The following SUGCT variants were observed in gnomAD, a reference collection of about 807,000 sequenced individuals.
SUGCT encodes succinyl-CoA:glutarate CoA-transferase.
Under a neutral mutation model 55.0 loss-of-function variants are expected in SUGCT, and 41 were observed. The ratio of observed to expected loss-of-function variants is 0.74; its 90% confidence interval spans 0.58 to 0.97. The LOEUF (loss-of-function observed/expected upper bound fraction) is 0.97. Ranked by LOEUF, SUGCT falls within the 50% of genes least tolerant of loss-of-function variation. SUGCT has a pLI of 0.00. For missense variants in SUGCT, 568 were observed against 547.8 expected, an observed-to-expected ratio of 1.04 and a Z score of -0.37; for synonymous variants, 187 against 200.4, an observed-to-expected ratio of 0.93 and a Z score of 0.56.
chr7:40,663,536 G>T (rs1206869552), intron 12 of SUGCT, among the ~76,000 whole-genome samples: 1 of 147,268 alleles, frequency 6.8e-6, no homozygotes, highest in Non-Finnish European at 1.5e-5. Context: ...ATTACTTAAA[G>T]GTTTATTTCT....
At chr7:41,001,182 G>T in the SUGCT span, among the ~76,000 whole-genome samples, 2 of 152,146 alleles carry the variant, frequency 1.3e-5, no homozygotes, top group African/African-American at 4.8e-5. Flanking sequence ...GATGCTGATA[G>T]AGGAGAAGAG....
At chr7:40,623,593 A>T (rs1799376188) in intron 12 of SUGCT, among the ~76,000 whole-genome samples, 2 of 152,148 alleles carry the variant, frequency 1.3e-5, no homozygotes, top group Admixed American at 6.5e-5. Flanking sequence ...AATTCCAAGA[A>T]TTTTTTTGTA....
intron 12 of SUGCT, among the ~76,000 whole-genome samples, chr7:40,583,982 A>G (rs1797239535): frequency 1.3e-5 from 2 of 152,166 alleles, no homozygotes; most frequent in South Asian, 4.1e-4. Context: ...ATCTCTCTAT[A>G]TAAGTTGGTG....
intron 12 of SUGCT, among the ~76,000 whole-genome samples, chr7:40,666,347 C>CAAAA (rs202090281): frequency 0.21 from 23,374 of 113,504 alleles, 2,085 homozygotes; most frequent in Middle Eastern, 0.3. Context: ...GACTCTGTCT[C>CAAAA]AAGAAAGAAA....
chr7:40,455,261 T>C (rs889736176), intron 10 of SUGCT, among the ~76,000 whole-genome samples: 10 of 152,058 alleles, frequency 6.6e-5, no homozygotes, highest in African/African-American at 2.4e-4. Context: ...AATAGGTAAG[T>C]GTAATAGTAA....
intron 12 of SUGCT, among the ~76,000 whole-genome samples, chr7:40,668,987 G>T (rs1481913585): frequency 6.6e-6 from 1 of 152,134 alleles, no homozygotes; most frequent in African/African-American, 2.4e-5. Context: ...TTTCATCTCT[G>T]CCAGGCTGAG....
the SUGCT span, among the ~76,000 whole-genome samples, chr7:40,924,133 T>C: frequency 2.0e-5 from 3 of 152,198 alleles, no homozygotes; most frequent in African/African-American, 4.8e-5. Context: ...ATTTGGACTT[T>C]CCAGCCTCCA....
At chr7:40,403,395 A>G (rs560591601) in intron 9 of SUGCT, among the ~76,000 whole-genome samples, 1 of 152,332 alleles carries the variant, frequency 6.6e-6, no homozygotes, top group African/African-American at 2.4e-5. Flanking sequence ...TGATTAGGGT[A>G]CAATTTATCT....
At chr7:40,290,506 A>C (rs904859143) in intron 8 of SUGCT, among the ~76,000 whole-genome samples, 1 of 152,212 alleles carries the variant, frequency 6.6e-6, no homozygotes, top group African/African-American at 2.4e-5. Context: ...AAATTAATTC[A>C]AGATGGATTA....
At chr7:40,376,984 A>G (rs1784579514) in intron 9 of SUGCT, among the ~76,000 whole-genome samples, 1 of 151,252 alleles carries the variant, frequency 6.6e-6, no homozygotes, top group Non-Finnish European at 1.5e-5. Flanking sequence ...CCAATTTCTA[A>G]TGGTCTTCAT....
intron 12 of SUGCT, among the ~76,000 whole-genome samples, chr7:40,631,672 C>A (rs1799795170): frequency 6.6e-6 from 1 of 152,170 alleles, no homozygotes; most frequent in Admixed American, 6.5e-5. Context: ...TCCATGTCTC[C>A]TGAGACATAA....
chr7:40,528,275 C>A (rs1793908507), intron 12 of SUGCT, among the ~76,000 whole-genome samples: 3 of 152,080 alleles, frequency 2.0e-5, no homozygotes, highest in Non-Finnish European at 4.4e-5. Context: ...ATTGTTCCCC[C>A]TAGAGAGGAA....
intron 9 of SUGCT, among the ~76,000 whole-genome samples, chr7:40,431,117 C>CAAA (rs869159761): frequency 9.2e-5 from 8 of 86,956 alleles, no homozygotes; most frequent in South Asian, 3.6e-4. Context: ...GACTTCGTCT[C>CAAA]AAAAAAAAAA....
At chr7:40,645,511 C>T (rs1046066678) in intron 12 of SUGCT, among the ~76,000 whole-genome samples, 1 of 152,184 alleles carries the variant, frequency 6.6e-6, no homozygotes, top group African/African-American at 2.4e-5. Context: ...GCCATCTGTT[C>T]CAACATTTTT....
chr7:40,659,759 C>T (rs1406161115), intron 12 of SUGCT, among the ~76,000 whole-genome samples: 1 of 152,174 alleles, frequency 6.6e-6, no homozygotes, highest in East Asian at 1.9e-4. Context: ...ACCAGTGACT[C>T]ACTGAGAGCC....
chr7:40,962,466 G>A, the SUGCT span, among the ~76,000 whole-genome samples: 54 of 151,798 alleles, frequency 3.6e-4, 1 homozygote, highest in East Asian at 9.9e-3. Flanking sequence ...GTGGACAGTT[G>A]GTATCTCAAG....
intron 3 of SUGCT, among the ~76,000 whole-genome samples, chr7:40,186,785 C>T (rs1785542529): frequency 6.6e-6 from 1 of 152,076 alleles, no homozygotes; most frequent in African/African-American, 2.4e-5. Context: ...GACACGAGGC[C>T]AGGGCTGTTG....
At chr7:40,483,468 T>A (rs922145412) in intron 11 of SUGCT, among the ~76,000 whole-genome samples, 6 of 152,182 alleles carry the variant, frequency 3.9e-5, no homozygotes, top group African/African-American at 7.2e-5. Context: ...ATTTAACTTA[T>A]CATAATAAGC....
At chr7:40,898,813 A>G in the SUGCT span, among the ~76,000 whole-genome samples, 1 of 151,918 alleles carries the variant, frequency 6.6e-6, no homozygotes, top group African/African-American at 2.4e-5. Flanking sequence ...AGAGAACAAT[A>G]CTCGGTGAGG....
Sources: allele counts gnomAD v4.1 joint callset (sites outside exome capture counted in the v4.1 genomes callset), GRCh38; gene constraint gnomAD v4.1.1; transcripts MANE v1.5; gene names NCBI Gene and HGNC (gene_info 2026-07-23, HGNC 2026-07-21).